Variants in RAP1GAP2 observed in about 807,000 individuals in gnomAD.
The protein encoded by RAP1GAP2 is rap1 GTPase-activating protein 2.
Under a neutral mutation model 95.0 loss-of-function variants are expected in RAP1GAP2, and 27 were observed. The observed-to-expected ratio is 0.28, with a 90% CI of 0.21 to 0.39. The LOEUF is 0.39. Ranked by LOEUF, RAP1GAP2 falls within the 10% of genes least tolerant of loss-of-function variation. RAP1GAP2 has a pLI of 1.00. For synonymous variants in RAP1GAP2, 373 were observed against 380.9 expected (o/e 0.98, Z 0.24); for missense variants, 771 against 970.0 (o/e 0.79, Z 2.72).
rs58160165 is a variant in RAP1GAP2 at position 2,828,984 on chromosome 17, C to CTTTTTTTTTTT, written c.80+28443_80+28453dup. On this transcript the variant is annotated intron_variant, in intron 2 of 24. Transcript: ENST00000254695. ...TCCTGTCTCAAAGATTAATTACTTGCTTTTTTTTTTTTTTTTTTTGGGAAA... is the reference window on the plus strand; with the variant it reads ...TCCTGTCTCAAAGATTAATTACTTGCTTTTTTTTTTTTTTTTTTTTTTTTTTTTTTGGGAAA... Among the ~76,000 whole-genome samples the CTTTTTTTTTTT allele has an allele frequency of 1.9e-4, 15 of 80,840 alleles. 1 individual carries two copies. The highest frequency in any genetic ancestry group is 5.0e-4 in the South Asian group (1 of 1,998). 53.0% of individuals were successfully genotyped at this position (80,840 alleles called of 152,430 possible).
intron 12 of RAP1GAP2, among the ~76,000 whole-genome samples, chr17:2,993,337 G>C (rs558476476): frequency 6.6e-6 from 1 of 152,222 alleles, no homozygotes; most frequent in Admixed American, 6.5e-5. Flanking sequence ...ACTTTGGGAG[G>C]CTGAGGCGGG....
chr17:2,825,393 A>G lies in RAP1GAP2; in HGVS notation c.80+24843A>G, dbSNP rs1208732022. Among the ~76,000 whole-genome samples the G allele has an allele frequency of 9.9e-5, 15 of 152,180 alleles. No homozygotes were observed. ...GAATTGGAATACAGGAAGCAAGAAC[A>G]TGAGTGTTCACGCTTTGACTGAGCT... is the stretch of plus-strand genomic sequence containing the variant. On this transcript the variant is annotated intron_variant, in intron 2 of 24. Coordinates refer to ENST00000254695, the MANE Select transcript of RAP1GAP2 (RefSeq NM_015085.5). This position sits in a 1 kb window ranked among gnomAD's most constrained non-coding sequence, Gnocchi z 4.1.
At chr17:2,770,432 G>C (rs924310974) in exon 2 of RAP1GAP2, 1 of 398,726 alleles carries the variant, frequency 2.5e-6, no homozygotes, top group East Asian at 3.6e-5. Flanking sequence ...GGCTGACCTC[G>C]AGTCTCCCTC....
At chr17:2,899,290 C>T (rs1016698265) in intron 2 of RAP1GAP2, among the ~76,000 whole-genome samples, 3 of 150,736 alleles carry the variant, frequency 2.0e-5, no homozygotes, top group South Asian at 2.1e-4. Flanking sequence ...CTGCAAGCTC[C>T]GCCTTCCGGG....
At chr17:2,940,016 G>A (rs1567801074) in intron 3 of RAP1GAP2, among the ~76,000 whole-genome samples, 1 of 152,372 alleles carries the variant, frequency 6.6e-6, no homozygotes, top group East Asian at 1.9e-4. Flanking sequence ...GCTAAAGGCA[G>A]CAGGGCCCCG....
At chr17:2,953,706 G>A (rs1488754161) in intron 3 of RAP1GAP2, among the ~76,000 whole-genome samples, 2 of 152,232 alleles carry the variant, frequency 1.3e-5, no homozygotes, top group East Asian at 3.9e-4. Context: ...AATTAGCTGG[G>A]CATGGGGGCG....
chr17:2,793,223 G>A (rs558548476), upstream of RAP1GAP2, among the ~76,000 whole-genome samples: 18 of 149,464 alleles, frequency 1.2e-4, no homozygotes, highest in African/African-American at 4.4e-4. Context: ...GCGTGATCTT[G>A]GCTCACTGCA....
At chr17:2,896,199 G>A (rs556776403) in intron 2 of RAP1GAP2, among the ~76,000 whole-genome samples, 47 of 152,282 alleles carry the variant, frequency 3.1e-4, no homozygotes, top group African/African-American at 1.0e-3. Context: ...GGGTCTTTCA[G>A]GTGGGTGTGC....
intron 1 of RAP1GAP2, among the ~76,000 whole-genome samples, chr17:2,786,315 G>C (rs1269920547): frequency 6.6e-6 from 1 of 152,252 alleles, no homozygotes; most frequent in Non-Finnish European, 1.5e-5. Flanking sequence ...GACACCAGGT[G>C]GTGGTTGCTT....
At chr17:2,847,494 G>A (rs1179071377) in intron 2 of RAP1GAP2, among the ~76,000 whole-genome samples, 4 of 152,108 alleles carry the variant, frequency 2.6e-5, no homozygotes, top group Admixed American at 6.6e-5. Context: ...CACAGAAGGC[G>A]TTACTGGATA....
chr17:2,839,987 G>T (rs1218777911), intron 2 of RAP1GAP2, among the ~76,000 whole-genome samples: 4 of 151,138 alleles, frequency 2.6e-5, no homozygotes, highest in Non-Finnish European at 5.9e-5. Flanking sequence ...TAGTAGAAAC[G>T]GGGTTTCACC....
At chr17:2,760,308 A>G (rs1266872320) in intron 1 of RAP1GAP2, among the ~76,000 whole-genome samples, 2 of 150,870 alleles carry the variant, frequency 1.3e-5, no homozygotes, top group Non-Finnish European at 3.0e-5. Context: ...AAAAAAAAAA[A>G]AAAAAGAAAA....
chr17:2,917,989 T>A (rs1388561403), intron 3 of RAP1GAP2, among the ~76,000 whole-genome samples: 1 of 151,006 alleles, frequency 6.6e-6, no homozygotes, highest in African/African-American at 2.4e-5. Flanking sequence ...GTGCTGGGAT[T>A]ACAGGCATAA....
intron 11 of RAP1GAP2, among the ~76,000 whole-genome samples, 196 bp downstream of exon 11, chr17:2,985,262 C>T (rs924106997): frequency 5.1e-5 from 7 of 138,606 alleles, no homozygotes; most frequent in South Asian, 2.5e-4. Flanking sequence ...AAGGCCTGCA[C>T]GTCCTTAAAC....
At chr17:2,919,225 C>T (rs1412202338) in intron 3 of RAP1GAP2, among the ~76,000 whole-genome samples, 1 of 152,136 alleles carries the variant, frequency 6.6e-6, no homozygotes, top group Non-Finnish European at 1.5e-5. Flanking sequence ...CAGGATCCAG[C>T]CCAGCATCTG....
At chr17:2,826,394 G>A (rs144521328) in intron 2 of RAP1GAP2, among the ~76,000 whole-genome samples, 1 of 151,932 alleles carries the variant, frequency 6.6e-6, no homozygotes, top group Non-Finnish European at 1.5e-5. Context: ...CCAGGCTCTC[G>A]AAATGGATGG....
At chr17:2,776,281 C>A (rs1396190566), upstream of RAP1GAP2, among the ~76,000 whole-genome samples, 1 of 152,208 alleles carries the variant, frequency 6.6e-6, no homozygotes, top group Non-Finnish European at 1.5e-5. Flanking sequence ...CCGGGTCCCG[C>A]GCAACGCAGA....
intron 3 of RAP1GAP2, among the ~76,000 whole-genome samples, chr17:2,921,053 C>T (rs1182014259): frequency 6.6e-6 from 1 of 152,162 alleles, no homozygotes; most frequent in Non-Finnish European, 1.5e-5. Flanking sequence ...GCTTCTTCTC[C>T]CGGAGCCCCC....
At chr17:2,969,183 A>ATCTATCTATCTATC (rs1309428763) in intron 8 of RAP1GAP2, among the ~76,000 whole-genome samples, 6,805 of 73,098 alleles carry the variant, frequency 0.093, 203 homozygotes, top group Non-Finnish European at 0.14. Flanking sequence ...ATCTATCTAT[A>ATCTATCTATCTATC]TATATATATA....
Sources: gnomAD v4.1 joint callset for allele counts (sites outside exome capture counted in the v4.1 genomes callset) on GRCh38, gnomAD v4.1.1 for gene constraint, Gnocchi (gnomAD v3.1) non-coding constraint, MANE v1.5 for transcripts, NCBI Gene and HGNC (gene_info 2026-07-23, HGNC 2026-07-21) for gene names.